The following BCAS3 variants were observed in gnomAD, a reference collection of about 807,000 sequenced individuals.
The protein encoded by BCAS3 is BCAS4/BCAS3 fusion.
BCAS3 carries 53 observed loss-of-function variants against 116.1 expected under a neutral mutation model. The ratio of observed to expected loss-of-function variants is 0.46; its 90% CI spans 0.37 to 0.57. BCAS3 has a LOEUF of 0.57. Ranked by LOEUF, BCAS3 falls within the 20% of genes least tolerant of loss-of-function variation. The pLI is 0.00. For missense variants in BCAS3, 917 were observed against 1,165.4 expected (o/e 0.79, Z 3.10); for synonymous variants, 391 against 408.2 (o/e 0.96, Z 0.51).
chr17:60,767,682 A>C (rs919906699), intron 6 of BCAS3, among the ~76,000 whole-genome samples: 4 of 151,982 alleles, frequency 2.6e-5, no homozygotes, highest in African/African-American at 9.7e-5. Flanking sequence ...TTGCTGGAAA[A>C]TTATTGTTTT....
intron 18 of BCAS3, among the ~76,000 whole-genome samples, chr17:61,040,114 A>G (rs2067387338): frequency 6.6e-6 from 1 of 152,226 alleles, no homozygotes; most frequent in African/African-American, 2.4e-5. Context: ...CCTGACATGT[A>G]TGGAAGGAAA....
At chr17:60,779,589 G>A (rs973275657) in intron 6 of BCAS3, among the ~76,000 whole-genome samples, 5 of 152,040 alleles carry the variant, frequency 3.3e-5, no homozygotes, top group Non-Finnish European at 7.4e-5. Flanking sequence ...GGCTGGTCTC[G>A]AACTCCTGAC....
intron 6 of BCAS3, among the ~76,000 whole-genome samples, chr17:60,759,382 G>A (rs1418220675): frequency 6.6e-6 from 1 of 152,160 alleles, no homozygotes; most frequent in South Asian, 2.1e-4. Context: ...GTGCCTGTTA[G>A]GTCTGTTGGG....
chr17:61,060,227 C>T (rs375962625), intron 19 of BCAS3, among the ~76,000 whole-genome samples: 4 of 151,736 alleles, frequency 2.6e-5, no homozygotes, highest in East Asian at 3.9e-4. Context: ...CCCAGGTTCA[C>T]GCCATTCTCC....
chr17:61,030,968 A>C (rs2066594324), intron 16 of BCAS3, among the ~76,000 whole-genome samples: 1 of 152,006 alleles, frequency 6.6e-6, no homozygotes, highest in African/African-American at 2.4e-5. Context: ...AAAAAAATGG[A>C]TGAGTCCACA....
chr17:61,077,639 G>T lies in BCAS3; in HGVS notation c.2131-694G>T, dbSNP rs1454062024. On this transcript the variant is annotated intron_variant, in intron 20 of 23. Coordinates refer to ENST00000407086, the MANE Select transcript of BCAS3 (RefSeq NM_017679.5). The surrounding 1 kb of genome is among the most constrained non-coding windows in gnomAD (Gnocchi z 4.3). ...GTTTTGTAGCACATCAAATGCCTGT[G>T]TCGATATTTGTGGCAGTTGAGAAAA... 6.6e-6 allele frequency among the ~76,000 whole-genome samples: 1 copy of T among 152,204 alleles called. No individual in the cohort carries two copies. The highest frequency in any genetic ancestry group is 1.5e-5 in the Non-Finnish European group (1 of 68,046).
Position 61,151,375 on chromosome 17 carries a change from C to T in BCAS3, c.2425+66811C>T, listed in dbSNP as rs924650387. ...TAATCAACCTATACCACTACCTCCT[C>T]CTCCTGTTTTTTCCTACTTTTTTTT... On this transcript the variant is annotated intron_variant, in intron 22 of 23. Coordinates refer to ENST00000407086, the MANE Select transcript of BCAS3 (RefSeq NM_017679.5). The surrounding 1 kb of genome is among the most constrained non-coding windows in gnomAD (Gnocchi z 4.8). Among the ~76,000 whole-genome samples, 1 of 151,274 alleles carries T rather than the reference C, an allele frequency of 6.6e-6. No individual in the cohort carries two copies. The highest frequency in any genetic ancestry group is 1.9e-4 in the East Asian group (1 of 5,196).
rs977860595 is a variant in BCAS3, at chr17:61,381,191, G to T, written c.2594-10786G>T. On this transcript the variant is annotated intron_variant, in intron 23 of 23. Transcript: ENST00000407086. This position sits in a 1 kb window ranked among gnomAD's most constrained non-coding sequence, Gnocchi z 6.0. ...TGACAGAACAAATGCACTTCCACCC[G>T]ACAGGCAAATCGATATCTTAATACA... Among the ~76,000 whole-genome samples the T allele has an allele frequency of 6.6e-6, 1 of 152,164 alleles. No individual in the cohort carries two copies. The highest frequency in any genetic ancestry group is 1.5e-5 in the Non-Finnish European group (1 of 68,042).
Position 60,747,287 on chromosome 17 carries a change from T to G in BCAS3, c.403+8T>G. The stretch of plus-strand genomic sequence containing the variant: ...TGCCTGCTCCACAGTTTGGTGAGTG[T>G]AGTCCTTAAGAAAAGAATCTTTCAG... On this transcript the variant is annotated splice_region_variant and intron_variant, in intron 6 of 23. Coordinates refer to ENST00000407086, the MANE Select transcript of BCAS3 (RefSeq NM_017679.5). The G allele has an allele frequency of 6.3e-7, 1 of 1,599,292 alleles. No individual in the cohort carries two copies. The highest frequency in any genetic ancestry group is 8.6e-7 in the Non-Finnish European group (1 of 1,168,298).
chr17:60,773,867 G>A (rs939677156), intron 6 of BCAS3, among the ~76,000 whole-genome samples: 1 of 152,016 alleles, frequency 6.6e-6, no homozygotes, highest in Non-Finnish European at 1.5e-5. Flanking sequence ...GGCTGGTCTC[G>A]AACACCTGCA....
At chr17:60,815,220 C>T (rs2049263832) in intron 7 of BCAS3, among the ~76,000 whole-genome samples, 1 of 152,044 alleles carries the variant, frequency 6.6e-6, no homozygotes, top group Non-Finnish European at 1.5e-5. Flanking sequence ...TGCATGTTCT[C>T]ACTCATAGGT....
At chr17:61,169,417 ATTCTTT>A (rs2078707358) in intron 22 of BCAS3, among the ~76,000 whole-genome samples, 1 of 152,172 alleles carries the variant, frequency 6.6e-6, no homozygotes, top group Non-Finnish European at 1.5e-5. Flanking sequence ...ATGAGATAGG[ATTCTTT>A]TTCCTTTTCT....
rs2070802394 is a variant in BCAS3 at position 61,067,488 on chromosome 17, G to T, written c.2030-7432G>T. 2.0e-5 allele frequency among the ~76,000 whole-genome samples: 3 copies of T among 149,722 alleles called. No homozygotes were observed. In the South Asian group the frequency reaches 6.3e-4, roughly 31 times the overall value. ...AATCTCAGCACTTTGGGAGGCTGAGGCAGGCGGATCATGAGGTCAAAAGAT... is the reference window on the plus strand; with the variant it reads ...AATCTCAGCACTTTGGGAGGCTGAGTCAGGCGGATCATGAGGTCAAAAGAT... On this transcript the variant is annotated intron_variant, in intron 19 of 23. Coordinates refer to ENST00000407086, the MANE Select transcript of BCAS3 (RefSeq NM_017679.5).
In BCAS3 at chr17:61,019,839, T is replaced by C. The variant is rs1229632087; in HGVS notation, c.1637+3938T>C. Among the ~76,000 whole-genome samples, 1 of 152,246 alleles carries C rather than the reference T, an allele frequency of 6.6e-6. No homozygotes were observed. Among genetic ancestry groups the C allele is most frequent in the Non-Finnish European group, 1.5e-5 (1 of 68,044 alleles). On this transcript the variant is annotated intron_variant, in intron 16 of 23. Transcript: ENST00000407086. The surrounding 1 kb of genome is among the most constrained non-coding windows in gnomAD (Gnocchi z 5.6). ...AGCACATGAGAGTTTTCATTTTCCA[T>C]GTCTCTTTTTATTCTGGAAATTCTC...
At chr17:60,755,484 T>C (rs1649994684) in intron 6 of BCAS3, among the ~76,000 whole-genome samples, 1 of 152,150 alleles carries the variant, frequency 6.6e-6, no homozygotes, top group African/African-American at 2.4e-5. Flanking sequence ...ATATAGCACA[T>C]AATATAAAAA....
intron 22 of BCAS3, among the ~76,000 whole-genome samples, chr17:61,306,418 A>C (rs538777488): frequency 6.6e-6 from 1 of 152,358 alleles, no homozygotes; most frequent in East Asian, 1.9e-4. Context: ...TAAATGAAAA[A>C]ACAATTCCCC....
chr17:60,933,482 G>C (rs1262366792), intron 13 of BCAS3, among the ~76,000 whole-genome samples: 1 of 152,120 alleles, frequency 6.6e-6, no homozygotes, highest in Non-Finnish European at 1.5e-5. Flanking sequence ...TTAATAAGAG[G>C]AAAATGAGTG....
At chr17:60,699,153 T>G (rs146292410) in intron 4 of BCAS3, among the ~76,000 whole-genome samples, 26 of 152,272 alleles carry the variant, frequency 1.7e-4, no homozygotes, top group Non-Finnish European at 3.2e-4. Context: ...TATGTCAGAT[T>G]TGATGATGTA....
intron 22 of BCAS3, among the ~76,000 whole-genome samples, chr17:61,305,559 T>C (rs2053784439): frequency 6.6e-6 from 1 of 152,244 alleles, no homozygotes; most frequent in African/African-American, 2.4e-5. Flanking sequence ...GTCATATATG[T>C]TGTCTGCTCA....
Sources: allele counts gnomAD v4.1 joint callset (sites outside exome capture counted in the v4.1 genomes callset), GRCh38; gene constraint gnomAD v4.1.1; non-coding constraint Gnocchi (gnomAD v3.1); transcripts MANE v1.5; gene names NCBI Gene and HGNC (gene_info 2026-07-23, HGNC 2026-07-21).